AIFM2: variants seen among roughly 807,000 people sequenced by gnomAD.
The protein encoded by AIFM2 is AIF family member 2, ferroptosis suppressor.
In AIFM2, 38 loss-of-function variants were observed where a neutral mutation model predicts 35.7. The ratio of observed to expected loss-of-function variants is 1.06; its 90% CI spans 0.82 to 1.39. AIFM2 has a LOEUF of 1.39. Among genes scored for constraint, AIFM2 ranks in the 40% most tolerant of loss-of-function variants. The probability of loss-of-function intolerance (pLI) is 0.00; values close to 1 mark genes in which losing one functional copy is unlikely to be tolerated. For missense variants in AIFM2, 476 were observed against 491.2 expected (o/e 0.97, Z 0.29); for synonymous variants, 185 against 203.5 (o/e 0.91, Z 0.77).
rs778264558 is a variant in AIFM2, at chr10:70,114,201, T to A, written c.1099A>T (p.Thr367Ser). The A allele has an allele frequency of 1.2e-6, 2 of 1,613,058 alleles. No homozygotes were observed. The highest frequency in any genetic ancestry group is 1.7e-6 in the Non-Finnish European group (2 of 1,179,690). ...RDLFVSTSWKTMRQSPP is the reference protein window; with the variant it reads ...RDLFVSTSWKSMRQSPP Reference sequence around the variant, plus strand: ...CATCAAGGTGGAGACTGCCTCATGGTTTTCCAGCTCGTAGAGACGAACAGG... The same window carrying A: ...CATCAAGGTGGAGACTGCCTCATGGATTTCCAGCTCGTAGAGACGAACAGG... Residue 367 changes from threonine to serine, a missense_variant, in exon 9 of 9, where the codon ACC becomes TCC. Transcript: ENST00000307864.
chr10:70,118,002 T>G (rs1011070332), intron 5 of AIFM2, 82 bp from the exon 6 acceptor site: 1 of 955,610 alleles, frequency 1.0e-6, no homozygotes, highest in Admixed American at 2.2e-5. Context: ...CCACCTCCAC[T>G]CATACCTCCA....
At chr10:70,125,554 G>C (rs759324467) in intron 1 of AIFM2, among the ~76,000 whole-genome samples, 3 of 151,150 alleles carry the variant, frequency 2.0e-5, no homozygotes, top group South Asian at 2.1e-4. Flanking sequence ...GGAGGTCAAG[G>C]CTGCAGTGAG....
In AIFM2 at chr10:70,114,252, T is replaced by C. The variant is rs778551581; in HGVS notation, c.1048A>G (p.Met350Val). The C allele has an allele frequency of 6.2e-7, 1 of 1,613,878 alleles. No individual in the cohort carries two copies. The highest frequency in any genetic ancestry group is 8.5e-7 in the Non-Finnish European group (1 of 1,179,986). Reference sequence around the variant, plus strand: ...TCCCGGCTCTTGGTCAGCCGAACCATGAGCCGGCCCACATAGAAGCCACTG... The same window carrying C: ...TCCCGGCTCTTGGTCAGCCGAACCACGAGCCGGCCCACATAGAAGCCACTG... ...QISGFYVGRL[M>V]VRLTKSRDLF... Residue 350 changes from methionine to valine, a missense_variant, in exon 9 of 9, where the codon ATG (methionine) becomes GTG (valine). Transcript: ENST00000307864.
At position 70,120,594 on chromosome 10, in the gene AIFM2, C is replaced by T. The variant is rs1458546664; in HGVS notation, c.420G>A (p.Gln140=). ...CCACCACCACGATGAACCGTGAGCG[C>T]TGGACCTGGAGAAGAGGACATGTGA... ...QAYEDMVRQV[Q]RSRFIVVVGG... Residue 140 remains glutamine (Q), a synonymous_variant, in exon 5 of 9, where the codon CAG becomes CAA. Transcript: ENST00000307864. 5.6e-6 allele frequency: 9 copies of T among 1,614,034 alleles called. No individual in the cohort carries two copies. Among genetic ancestry groups the T allele is most frequent in the Non-Finnish European group, 6.8e-6 (8 of 1,180,042 alleles).
chr10:70,121,778 AT>A (rs1388731066), intron 3 of AIFM2, among the ~76,000 whole-genome samples: 1 of 150,602 alleles, frequency 6.6e-6, no homozygotes, highest in Non-Finnish European at 1.5e-5. Flanking sequence ...AAATAATTTA[AT>A]TTTTTTAAAT....
chr10:70,114,825 G>A, intron 8 of AIFM2, 95 bp downstream of exon 8: 1 of 1,397,924 alleles, frequency 7.2e-7, no homozygotes, highest in South Asian at 1.3e-5. Context: ...TGGAGAGTTT[G>A]TTCTAGTGGC....
chr10:70,114,008 C>G lies in AIFM2; in HGVS notation c.*170G>C. The G allele has an allele frequency of 1.9e-5, 15 of 806,630 alleles. No individual in the cohort carries two copies. The highest frequency in any genetic ancestry group is 2.4e-5 in the Non-Finnish European group (13 of 535,968). The allele number at this position is 806,630 out of a possible 1,614,324, so 50.0% of individuals were successfully genotyped here. ...CTCTAAGGGGGGTATTTGTTTAATA[C>G]CTCTCTCTCTCCCATTTTTGTTTTA... On this transcript the variant is annotated 3_prime_UTR_variant, in exon 9 of 9. Transcript: ENST00000307864.
At chr10:70,125,103 T>C (rs78638161) in intron 1 of AIFM2, among the ~76,000 whole-genome samples, 3,440 of 152,246 alleles carry the variant, frequency 0.023, 87 homozygotes, top group East Asian at 0.15. Context: ...CACCAGACAC[T>C]GGGCCCTTGA....
chr10:70,118,452 C>T (rs1475762418), intron 5 of AIFM2: 1 of 152,670 alleles, frequency 6.6e-6, no homozygotes, highest in African/African-American at 2.4e-5. Flanking sequence ...GGACACCTCC[C>T]AAAGGCTCAT....
chr10:70,117,283 G>A lies in AIFM2; in HGVS notation c.617-509C>T, dbSNP rs1012475970. ...CACAGGACAGGTGCCTCACCCTCCC[G>A]CAAACAGTGAGGGGGCTGGGGCCCC... is the stretch of plus-strand genomic sequence containing the variant. On this transcript the variant is annotated intron_variant, in intron 6 of 8. Coordinates refer to ENST00000307864, the MANE Select transcript of AIFM2 (RefSeq NM_032797.6). The surrounding 1 kb of genome is among the most constrained non-coding windows in gnomAD (Gnocchi z 4.7). 1.3e-5 allele frequency among the ~76,000 whole-genome samples: 2 copies of A among 152,310 alleles called. No homozygotes were observed. Among genetic ancestry groups the A allele is most frequent in the African/African-American group, 4.8e-5 (2 of 41,584 alleles).
Position 70,117,957 on chromosome 10 carries a change from C to G in AIFM2, c.508-37G>C. 1 of 1,483,912 alleles carries G rather than the reference C, an allele frequency of 6.7e-7. No individual in the cohort carries two copies. The highest frequency in any genetic ancestry group is 9.3e-7 in the Non-Finnish European group (1 of 1,069,602). 91.9% of individuals were successfully genotyped at this position (1,483,912 alleles called of 1,614,324 possible). ...ACGACCACAGGGCCTGAGAAGGAGC[C>G]CCCAAGTCTTCAAACACAATCATTG... is the stretch of plus-strand genomic sequence containing the variant. On this transcript the variant is annotated intron_variant, in intron 5 of 8. Coordinates refer to ENST00000307864, the MANE Select transcript of AIFM2 (RefSeq NM_032797.6). The surrounding 1 kb of genome is among the most constrained non-coding windows in gnomAD (Gnocchi z 4.7).
chr10:70,126,687 G>A (rs2072569728), intron 1 of AIFM2, among the ~76,000 whole-genome samples: 1 of 152,186 alleles, frequency 6.6e-6, no homozygotes, highest in African/African-American at 2.4e-5. Context: ...CACACTTATG[G>A]GGCAGCTTTT....
rs1207145332 is a variant in AIFM2, at chr10:70,114,180, A to G, written c.1120T>C (p.Ter374ArgextTer49). Residue 374 changes from the stop codon to arginine (R), a stop_lost, in exon 9 of 9, where the codon TGA (stop) becomes CGA (arginine). Transcript: ENST00000307864. ...SWKTMRQSPP[*>R] ...AGTTCTCCCGCCTGGCCTCTCCATC[A>G]AGGTGGAGACTGCCTCATGGTTTTC... 6.2e-7 allele frequency: 1 copy of G among 1,611,386 alleles called. No individual in the cohort carries two copies. The highest frequency in any genetic ancestry group is 1.1e-5 in the South Asian group (1 of 90,956).
At chr10:70,120,681 T>C in intron 4 of AIFM2, 82 bp from the exon 5 acceptor site, 1 of 1,506,536 alleles carries the variant, frequency 6.6e-7, no homozygotes, top group East Asian at 2.3e-5. Context: ...GCCTGTGGTG[T>C]GGCTCCCTGG....
chr10:70,130,167 A>G (rs1195822105), intron 1 of AIFM2, among the ~76,000 whole-genome samples: 1 of 152,202 alleles, frequency 6.6e-6, no homozygotes, highest in Non-Finnish European at 1.5e-5. Flanking sequence ...TGGGCGCCAG[A>G]GCAAGACTCT....
At chr10:70,116,814 G>T (rs370897443) in intron 6 of AIFM2, 40 bp from the exon 7 acceptor site, 8 of 1,609,438 alleles carry the variant, frequency 5.0e-6, no homozygotes, top group Non-Finnish European at 6.8e-6. Flanking sequence ...GTGGGGACAG[G>T]GACCCCATCA....
chr10:70,123,198 C>T (rs1289572523), intron 3 of AIFM2, among the ~76,000 whole-genome samples: 1 of 152,064 alleles, frequency 6.6e-6, no homozygotes, highest in Non-Finnish European at 1.5e-5. Context: ...TTTGTATTTT[C>T]AGTAGAGACA....
chr10:70,117,719 T>C lies in AIFM2; in HGVS notation c.616+93A>G. ...AAAAGAGAGAGCCTGGGGTGGACCATAGCCACCCTCCTGCTGGAAGCAGTC... is the reference window on the plus strand; with the variant it reads ...AAAAGAGAGAGCCTGGGGTGGACCACAGCCACCCTCCTGCTGGAAGCAGTC... On this transcript the variant is annotated intron_variant, in intron 6 of 8. Transcript: ENST00000307864. The surrounding 1 kb of genome is among the most constrained non-coding windows in gnomAD (Gnocchi z 4.7). 1.9e-6 allele frequency: 2 copies of C among 1,046,310 alleles called. No homozygotes were observed. The highest frequency in any genetic ancestry group is 2.8e-6 in the Non-Finnish European group (2 of 720,668). 64.8% of individuals were successfully genotyped at this position (1,046,310 alleles called of 1,614,324 possible). A position where few individuals can be genotyped will look rare whatever the true frequency, so the allele number is the denominator to read the frequency against.
At chr10:70,132,085 G>C (rs992431243) in intron 1 of AIFM2, among the ~76,000 whole-genome samples, 1 of 150,582 alleles carries the variant, frequency 6.6e-6, no homozygotes, top group Non-Finnish European at 1.5e-5. Context: ...GTGTTGATCA[G>C]GTGGTGTTGG....
Sources: allele counts gnomAD v4.1 joint callset (sites outside exome capture counted in the v4.1 genomes callset), GRCh38; gene constraint gnomAD v4.1.1; non-coding constraint Gnocchi (gnomAD v3.1); transcripts MANE v1.5; gene names NCBI Gene and HGNC (gene_info 2026-07-23, HGNC 2026-07-21).